Variants in MSN observed in about 807,000 individuals in gnomAD.
MSN encodes epididymis luminal protein 70.
Under a neutral mutation model 48.0 loss-of-function variants are expected in MSN, and 2 were observed. The ratio of observed to expected loss-of-function variants is 0.04; its 90% CI spans 0.02 to 0.13. MSN has a LOEUF of 0.13. MSN is among the 10% of genes least tolerant of loss of function. The pLI is 1.00. For missense variants in MSN, 267 were observed against 470.1 expected, an observed-to-expected ratio of 0.57 and a Z score of 3.99; for synonymous variants, 146 against 166.9, an observed-to-expected ratio of 0.87 and a Z score of 0.97.
At chrX:65,622,675 C>A (rs956408354) in intron 1 of MSN, among the ~76,000 whole-genome samples, 3 of 109,309 alleles carry the variant, frequency 2.7e-5, no homozygotes, top group Non-Finnish European at 3.8e-5. Context: ...CACCCCTACA[C>A]CCAGCTAGTT....
intron 1 of MSN, among the ~76,000 whole-genome samples, chrX:65,702,532 G>C (rs768647507): frequency 3.6e-5 from 4 of 109,890 alleles, no homozygotes; most frequent in Non-Finnish European, 7.6e-5. Context: ...CAGACATAGT[G>C]GTGGGTGCCT....
At chrX:65,710,072 T>C (rs1167467547) in intron 1 of MSN, among the ~76,000 whole-genome samples, 2 of 112,206 alleles carry the variant, frequency 1.8e-5, no homozygotes, top group Non-Finnish European at 3.8e-5. Context: ...ATCTGCATCC[T>C]TGCCTCCTTC....
chrX:65,641,878 T>C (rs190630109), intron 1 of MSN, among the ~76,000 whole-genome samples: 1 of 109,052 alleles, frequency 9.2e-6, no homozygotes, highest in Non-Finnish European at 1.9e-5. Flanking sequence ...CTCATGCCTG[T>C]AGTCCCAGCA....
chrX:65,733,255 T>A lies in MSN; in HGVS notation c.770T>A (p.Ile257Asn). ...NISFNDKKFVIKPIDKKAPDF... is the reference protein window; with the variant it reads ...NISFNDKKFVNKPIDKKAPDF... Reference sequence around the variant, plus strand: ...TCTTTCAATGATAAGAAATTTGTCATCAAGCCCATTGACAAAAAAGCCCCG... The same window carrying A: ...TCTTTCAATGATAAGAAATTTGTCAACAAGCCCATTGACAAAAAAGCCCCG... The change falls in exon 7 of 13, where the codon ATC (isoleucine) becomes AAC (asparagine). Residue 257 changes from isoleucine (I) to asparagine (N), a missense_variant. Coordinates refer to ENST00000360270, the MANE Select transcript of MSN (RefSeq NM_002444.3). 1 of 1,211,026 alleles carries A rather than the reference T, an allele frequency of 8.3e-7. No homozygotes were observed. The highest frequency in any genetic ancestry group is 1.1e-6 in the Non-Finnish European group (1 of 894,785).
At chrX:65,607,934 C>T (rs1475283978) in intron 1 of MSN, among the ~76,000 whole-genome samples, 1 of 111,378 alleles carries the variant, frequency 9.0e-6, no homozygotes, top group Non-Finnish European at 1.9e-5. Flanking sequence ...CCAAGTGAGC[C>T]CAAGACTCTG....
intron 1 of MSN, among the ~76,000 whole-genome samples, chrX:65,591,478 C>A (rs1358548680): frequency 8.9e-6 from 1 of 111,979 alleles, no homozygotes; most frequent in Non-Finnish European, 1.9e-5. Context: ...GTGGCCCTGG[C>A]TCGCCAGAAA....
At chrX:65,727,648 C>T (rs1423190004) in intron 2 of MSN, among the ~76,000 whole-genome samples, 166 bp from the exon 3 acceptor site, 6 of 111,694 alleles carry the variant, frequency 5.4e-5, no homozygotes, top group South Asian at 3.7e-4. Flanking sequence ...AGAGAGATGC[C>T]GACATCAGTT....
intron 1 of MSN, among the ~76,000 whole-genome samples, chrX:65,622,909 A>G (rs2070465020): frequency 9.0e-6 from 1 of 111,488 alleles, no homozygotes; most frequent in Non-Finnish European, 1.9e-5. Flanking sequence ...GTTCTTTTTC[A>G]TGTTGAGAAA....
intron 1 of MSN, among the ~76,000 whole-genome samples, chrX:65,599,972 G>C (rs2070220619): frequency 9.1e-6 from 1 of 110,360 alleles, no homozygotes; most frequent in African/African-American, 3.3e-5. Context: ...ACTGACATCA[G>C]GGAGCCGTGA....
chrX:65,652,597 C>T, intron 1 of MSN, among the ~76,000 whole-genome samples: 1 of 111,585 alleles, frequency 9.0e-6, no homozygotes, highest in Non-Finnish European at 1.9e-5. Context: ...AATTTTTTCT[C>T]CCTCCCTAAG....
intron 1 of MSN, among the ~76,000 whole-genome samples, chrX:65,677,753 G>A (rs1461234324): frequency 1.9e-5 from 2 of 106,672 alleles, no homozygotes; most frequent in Non-Finnish European, 3.9e-5. Flanking sequence ...GCAAGACTCT[G>A]TCTAAAAAAA....
In MSN at chrX:65,700,968, A is replaced by G. The variant is rs778405942; in HGVS notation, c.13-15850A>G. On this transcript the variant is annotated intron_variant, in intron 1 of 12. Coordinates refer to ENST00000360270, the MANE Select transcript of MSN (RefSeq NM_002444.3). The stretch of plus-strand genomic sequence containing the variant: ...TAGTGCACCATTGCTAGTCACACCT[A>G]TTTTAGACTCCTACCCTCACCCTCC... 2.3e-3 allele frequency among the ~76,000 whole-genome samples: 258 copies of G among 111,275 alleles called. 3 individuals are homozygous for G. Among genetic ancestry groups the G allele is most frequent in the African/African-American group, 8.3e-3 (254 of 30,578 alleles).
chrX:65,689,894 A>G (rs759445051), intron 1 of MSN, among the ~76,000 whole-genome samples: 293 of 111,547 alleles, frequency 2.6e-3, no homozygotes, highest in African/African-American at 8.9e-3. Flanking sequence ...AAGGTTTGGA[A>G]AAAGGGGGAA....
At chrX:65,666,138 G>A (rs112114477), upstream of MSN, among the ~76,000 whole-genome samples, 2,591 of 109,353 alleles carry the variant, frequency 0.024, 88 homozygotes, top group African/African-American at 0.082. Context: ...CCTCCCGAGT[G>A]CCTGGAACTA....
At chrX:65,630,877 T>C (rs1357452628) in intron 1 of MSN, among the ~76,000 whole-genome samples, 1 of 111,709 alleles carries the variant, frequency 9.0e-6, no homozygotes, top group Non-Finnish European at 1.9e-5. Flanking sequence ...TTTGAGATAA[T>C]AGTAGATTTA....
At chrX:65,706,869 G>T (rs981431716) in intron 1 of MSN, among the ~76,000 whole-genome samples, 2 of 111,758 alleles carry the variant, frequency 1.8e-5, no homozygotes, top group African/African-American at 6.5e-5. Context: ...AAGTGGGGAT[G>T]GTAATGTTCA....
At chrX:65,738,121 A>G (rs1017293496) in intron 10 of MSN, among the ~76,000 whole-genome samples, 2 of 112,044 alleles carry the variant, frequency 1.8e-5, no homozygotes, top group African/African-American at 6.5e-5. Flanking sequence ...TCTTTCCTGT[A>G]CTTGTCCTGG....
chrX:65,691,178 A>G (rs2071168876), intron 1 of MSN, among the ~76,000 whole-genome samples: 1 of 111,201 alleles, frequency 9.0e-6, no homozygotes, highest in Admixed American at 9.5e-5. Context: ...TAGGTGGGGA[A>G]CCCCTTGAAG....
chrX:65,700,282 G>C (rs1185362006), intron 1 of MSN, among the ~76,000 whole-genome samples: 1 of 111,958 alleles, frequency 8.9e-6, no homozygotes, highest in Non-Finnish European at 1.9e-5. Flanking sequence ...GGCTTTAAGA[G>C]GTCTAGGGAC....
Sources: gnomAD v4.1 joint callset for allele counts (sites outside exome capture counted in the v4.1 genomes callset) on GRCh38, gnomAD v4.1.1 for gene constraint, MANE v1.5 for transcripts, NCBI Gene and HGNC (gene_info 2026-07-23, HGNC 2026-07-21) for gene names.